Variants in CNTNAP4 observed in about 807,000 individuals in gnomAD.
CNTNAP4 encodes contactin associated protein family member 4.
CNTNAP4 carries 98 observed loss-of-function variants against 148.4 expected under a neutral mutation model. The ratio of observed to expected loss-of-function variants is 0.66; its 90% CI spans 0.56 to 0.78. The LOEUF is 0.78. CNTNAP4 is among the 30% of genes least tolerant of loss of function. CNTNAP4 has a pLI of 0.00. For synonymous variants in CNTNAP4, 730 were observed against 565.1 expected (o/e 1.29, Z -4.14); for missense variants, 1,935 against 1,565.6 (o/e 1.24, Z -3.98).
chr16:76,347,997 G>A (rs878950343), intron 2 of CNTNAP4, among the ~76,000 whole-genome samples: 3 of 152,168 alleles, frequency 2.0e-5, no homozygotes, highest in Admixed American at 2.0e-4. Context: ...AATCTCAGTG[G>A]GCACAGGAAG....
At chr16:76,356,062 A>G (rs2012590966) in intron 3 of CNTNAP4, among the ~76,000 whole-genome samples, 1 of 151,540 alleles carries the variant, frequency 6.6e-6, no homozygotes. Context: ...TTTAGTAGAG[A>G]CGGGCTTTCA....
intron 3 of CNTNAP4, among the ~76,000 whole-genome samples, chr16:76,370,339 C>G (rs13336161): frequency 0.05 from 7,648 of 152,008 alleles, 628 homozygotes; most frequent in African/African-American, 0.17. Context: ...TGCGCCAGTG[C>G]CCCATCAGAG....
chr16:76,554,770 T>C (rs1447745095), intron 23 of CNTNAP4, among the ~76,000 whole-genome samples: 2 of 151,962 alleles, frequency 1.3e-5, no homozygotes, highest in Admixed American at 6.6e-5. Context: ...ATATATGAAA[T>C]ATGAATATTT....
rs531819792 is a variant in CNTNAP4, at chr16:76,336,325, G to A, written c.197-18993G>A. On this transcript the variant is annotated intron_variant, in intron 2 of 23. Coordinates refer to ENST00000611870, the MANE Select transcript of CNTNAP4 (RefSeq NM_033401.5). ...TGTACAGTAATCTGCTGGCTTGTGG[G>A]AGCCTACTGTGAACATCTCTTCCCA... 2.0e-4 allele frequency among the ~76,000 whole-genome samples: 30 copies of A among 152,274 alleles called. No individual in the cohort carries two copies. The South Asian group carries it at 5.4e-3, about 27-fold the overall frequency.
chr16:76,366,973 A>C (rs944180027), intron 3 of CNTNAP4, among the ~76,000 whole-genome samples: 2 of 152,106 alleles, frequency 1.3e-5, no homozygotes, highest in Admixed American at 1.3e-4. Flanking sequence ...CATATAGAAA[A>C]ATGTATATGA....
intron 2 of CNTNAP4, among the ~76,000 whole-genome samples, chr16:76,335,632 A>G (rs1457731525): frequency 6.6e-6 from 1 of 152,144 alleles, no homozygotes; most frequent in Non-Finnish European, 1.5e-5. Flanking sequence ...ACATTCAGTT[A>G]TCTGAATGTG....
chr16:76,558,690 G>A lies in CNTNAP4; in HGVS notation c.*7G>A. ...GAAAGAGTACTTCTTCTGATTGGCA[G>A]CTATGATTTAACATAAAATTATGAT... On this transcript the variant is annotated 3_prime_UTR_variant, in exon 24 of 24. Coordinates refer to ENST00000611870, the MANE Select transcript of CNTNAP4 (RefSeq NM_033401.5). 1 of 1,587,426 alleles carries A rather than the reference G, an allele frequency of 6.3e-7. No homozygotes were observed.
At chr16:76,345,555 G>A (rs531590726) in intron 2 of CNTNAP4, among the ~76,000 whole-genome samples, 46 of 152,264 alleles carry the variant, frequency 3.0e-4, no homozygotes, top group African/African-American at 1.1e-3. Context: ...ATACACTGGA[G>A]GACATTGGGG....
At chr16:76,316,151 A>G in intron 1 of CNTNAP4, 1 of 536,712 alleles carries the variant, frequency 1.9e-6, no homozygotes, top group East Asian at 2.9e-5. Context: ...ATGAGGTATA[A>G]TCTTTTCTAC....
chr16:76,381,173 A>G (rs188174125), intron 3 of CNTNAP4, among the ~76,000 whole-genome samples: 2 of 152,334 alleles, frequency 1.3e-5, no homozygotes, highest in East Asian at 3.9e-4. Context: ...TTTAGAATCT[A>G]GTAACTTTAA....
At chr16:76,542,404 C>T (rs944124740) in intron 21 of CNTNAP4, among the ~76,000 whole-genome samples, 2 of 152,108 alleles carry the variant, frequency 1.3e-5, no homozygotes. Context: ...ATAGCTATGG[C>T]ATAGCGTAGG....
At chr16:76,330,078 T>C (rs1963370891) in intron 2 of CNTNAP4, among the ~76,000 whole-genome samples, 1 of 152,202 alleles carries the variant, frequency 6.6e-6, no homozygotes, top group South Asian at 2.1e-4. Flanking sequence ...CCTGCTTGAA[T>C]TTTCCAGCTG....
chr16:76,534,405 G>C (rs1338324656), intron 17 of CNTNAP4, among the ~76,000 whole-genome samples: 1 of 152,148 alleles, frequency 6.6e-6, no homozygotes, highest in Non-Finnish European at 1.5e-5. Context: ...ACAAGGTCCT[G>C]GTGATGAGAC....
chr16:76,437,177 C>G (rs113100921), intron 4 of CNTNAP4, among the ~76,000 whole-genome samples: 2 of 151,922 alleles, frequency 1.3e-5, no homozygotes, highest in Admixed American at 6.6e-5. Flanking sequence ...GCCAGTCCAG[C>G]GTTTTCGTGT....
rs1000459503 is a variant in CNTNAP4 at position 76,389,258 on chromosome 16, G to A, written c.390+33747G>A. ...TTTGTCTCATATAGATGTTAAGTAC[G>A]TGTCCTGACTCATACACAGGCATGT... On this transcript the variant is annotated intron_variant, in intron 3 of 23. Coordinates refer to ENST00000611870, the MANE Select transcript of CNTNAP4 (RefSeq NM_033401.5). Among the ~76,000 whole-genome samples, 14 of 152,150 alleles carry A rather than the reference G, an allele frequency of 9.2e-5. No homozygotes were observed. The East Asian group carries it at 2.3e-3, about 25-fold the overall frequency.
intron 9 of CNTNAP4, among the ~76,000 whole-genome samples, chr16:76,465,134 G>A (rs1182904325): frequency 6.6e-6 from 1 of 152,148 alleles, no homozygotes; most frequent in Admixed American, 6.5e-5. Context: ...GACATATAGC[G>A]ATAATTTATC....
intron 4 of CNTNAP4, among the ~76,000 whole-genome samples, 178 bp from the exon 5 acceptor site, chr16:76,447,834 A>G (rs1568206061): frequency 1.3e-5 from 2 of 152,222 alleles, no homozygotes; most frequent in Admixed American, 1.3e-4. Context: ...TTCAACTAAC[A>G]ATATTTTTAA....
intron 2 of CNTNAP4, among the ~76,000 whole-genome samples, chr16:76,325,845 T>G (rs1167905417): frequency 6.6e-6 from 1 of 152,092 alleles, no homozygotes; most frequent in African/African-American, 2.4e-5. Context: ...AAGGATACTT[T>G]AAGAAACTTT....
intron 1 of CNTNAP4, among the ~76,000 whole-genome samples, chr16:76,312,231 C>A (rs887580381): frequency 3.3e-5 from 5 of 152,082 alleles, no homozygotes; most frequent in African/African-American, 1.2e-4. Flanking sequence ...TGGATTCAAC[C>A]CAGTAGATGC....
Sources: allele counts gnomAD v4.1 joint callset (sites outside exome capture counted in the v4.1 genomes callset), GRCh38; gene constraint gnomAD v4.1.1; transcripts MANE v1.5; gene names NCBI Gene and HGNC (gene_info 2026-07-23, HGNC 2026-07-21).